MYO5B: variants seen among roughly 807,000 people sequenced by gnomAD.
The protein encoded by MYO5B is unconventional myosin-Vb.
A neutral mutation model predicts 229.3 loss-of-function variants in MYO5B; 143 were observed. The ratio of observed to expected loss-of-function variants is 0.62; its 90% CI spans 0.54 to 0.72. The LOEUF is 0.72. Among genes scored for constraint, MYO5B ranks in the 30% least tolerant of loss-of-function variants. The probability of loss-of-function intolerance (pLI) is 0.00; values close to 1 mark genes in which losing one functional copy is unlikely to be tolerated. For synonymous variants in MYO5B, 918 were observed against 885.2 expected (o/e 1.04, Z -0.66); for missense variants, 2,321 against 2,331.0 (o/e 1.00, Z 0.09).
At chr18:50,130,373 G>A (rs986265505) in intron 1 of MYO5B, among the ~76,000 whole-genome samples, 2 of 152,176 alleles carry the variant, frequency 1.3e-5, no homozygotes, top group African/African-American at 2.4e-5. Flanking sequence ...AGAATTTGAC[G>A]AATGGCAATC....
chr18:49,965,470 C>CACAT (rs981925164), intron 10 of MYO5B, among the ~76,000 whole-genome samples: 3 of 151,646 alleles, frequency 2.0e-5, no homozygotes, highest in East Asian at 3.9e-4. Flanking sequence ...CACACACACA[C>CACAT]ACACACACAC....
In MYO5B at chr18:49,841,464, G is replaced by T. The variant is rs377467818; in HGVS notation, c.4612-10C>A. ...AGTCATCATTGTGCTTCTGTGAAAA[G>T]AAAAGGACATCCTCAGCTCTAAGTG... On this transcript the variant is annotated splice_polypyrimidine_tract_variant and intron_variant, in intron 34 of 39. Coordinates refer to ENST00000285039, the MANE Select transcript of MYO5B (RefSeq NM_001080467.3). 1 of 1,612,580 alleles carries T rather than the reference G, an allele frequency of 6.2e-7. No individual in the cohort carries two copies. Among genetic ancestry groups the T allele is most frequent in the African/African-American group, 1.3e-5 (1 of 74,884 alleles).
rs2033281705 is a variant in MYO5B, at chr18:50,194,889, C to G, written c.-96G>C. 1 of 1,225,878 alleles carries G rather than the reference C, an allele frequency of 8.2e-7. No individual in the cohort carries two copies. The highest frequency in any genetic ancestry group is 3.7e-5 in the South Asian group (1 of 27,020). The allele number at this position is 1,225,878 out of a possible 1,614,324, so 75.9% of individuals were successfully genotyped here. On this transcript the variant is annotated 5_prime_UTR_variant, in exon 1 of 40. Coordinates refer to ENST00000285039, the MANE Select transcript of MYO5B (RefSeq NM_001080467.3). Reference sequence around the variant, plus strand: ...CCTGGCGCCATGTTCCCGGGCTGGCCTGGAGTTTCTCGATCTTCTCGCTCT... The same window carrying G: ...CCTGGCGCCATGTTCCCGGGCTGGCGTGGAGTTTCTCGATCTTCTCGCTCT...
Position 50,018,782 on chromosome 18 carries a change from A to G in MYO5B, c.456-17371T>C, listed in dbSNP as rs187663801. On this transcript the variant is annotated intron_variant, in intron 4 of 39. Coordinates refer to ENST00000285039, the MANE Select transcript of MYO5B (RefSeq NM_001080467.3). ...GGATGCTAGCATCACATCTTAACAC[A>G]CGGTTTTAGTGGGCAGCCATTTCAA... Among the ~76,000 whole-genome samples, 69 of 152,308 alleles carry G rather than the reference A, an allele frequency of 4.5e-4. 1 individual carries two copies. The highest frequency in any genetic ancestry group is 2.3e-3 in the Admixed American group (35 of 15,302).
At chr18:50,155,155 T>C (rs1790465) in intron 1 of MYO5B, among the ~76,000 whole-genome samples, 149,149 of 152,296 alleles carry the variant, frequency 0.98, 73,115 homozygotes, top group East Asian at 1. Context: ...CTTCCATAAA[T>C]AGTAGCTGCA....
At chr18:50,120,854 T>C (rs368235129) in intron 1 of MYO5B, among the ~76,000 whole-genome samples, 107 of 152,308 alleles carry the variant, frequency 7.0e-4, no homozygotes, top group African/African-American at 2.4e-3. Flanking sequence ...CCTGGTCAGC[T>C]GGTAGATGGT....
chr18:49,882,358 C>A (rs1317496994), intron 22 of MYO5B, among the ~76,000 whole-genome samples: 1 of 6,394 alleles, frequency 1.6e-4, no homozygotes, highest in Non-Finnish European at 2.6e-4. Context: ...AGGTACCGTG[C>A]GTGGCTCACA....
Position 49,853,536 on chromosome 18 carries a change from G to A in MYO5B, c.4134C>T (p.Thr1378=), listed in dbSNP as rs759390826. 6.2e-7 allele frequency: 1 copy of A among 1,614,212 alleles called. No homozygotes were observed. Among genetic ancestry groups the A allele is most frequent in the African/African-American group, 1.3e-5 (1 of 75,074 alleles). The change falls in exon 31 of 40, where the codon ACC becomes ACT. Residue 1378 remains threonine (T), a synonymous_variant. Transcript: ENST00000285039. ...LKEEMDKQQQ[T]FCQTLLLSPE... ...GGGAGAGCAGTAGCGTCTGGCAGAA[G>A]GTCTGCTGCTGTTTGTCCATCTCCT...
chr18:49,994,675 C>G (rs556997266), intron 5 of MYO5B, among the ~76,000 whole-genome samples: 56 of 152,286 alleles, frequency 3.7e-4, no homozygotes, highest in African/African-American at 1.3e-3. Context: ...TTCCTCCAAC[C>G]AAAGGCGATG....
At chr18:49,919,089 C>A (rs1270630682) in intron 17 of MYO5B, among the ~76,000 whole-genome samples, 1 of 152,218 alleles carries the variant, frequency 6.6e-6, no homozygotes, top group Non-Finnish European at 1.5e-5. Context: ...ACCTTGCCTT[C>A]CTCAATGGTC....
intron 14 of MYO5B, among the ~76,000 whole-genome samples, chr18:49,939,519 T>C (rs766374337): frequency 3.3e-5 from 5 of 152,178 alleles, no homozygotes; most frequent in African/African-American, 9.7e-5. Context: ...AGAAACAACA[T>C]AGAATTTTAG....
rs543261563 is a variant in MYO5B at position 50,054,304 on chromosome 18, C to T, written c.138+964G>A. Among the ~76,000 whole-genome samples, 4 of 152,318 alleles carry T rather than the reference C, an allele frequency of 2.6e-5. No individual in the cohort carries two copies. The East Asian group carries it at 7.7e-4, about 29-fold the overall frequency. The stretch of plus-strand genomic sequence containing the variant: ...ATCACTTGAACCCAGGAGTTTCAGG[C>T]CCACCTGGGCAACACAGCAAGATCT... On this transcript the variant is annotated intron_variant, in intron 2 of 39. Coordinates refer to ENST00000285039, the MANE Select transcript of MYO5B (RefSeq NM_001080467.3).
chr18:50,094,460 G>A (rs34962011), intron 1 of MYO5B, among the ~76,000 whole-genome samples: 5,168 of 151,632 alleles, frequency 0.034, 144 homozygotes, highest in Middle Eastern at 0.085. Context: ...TAAGTACTGA[G>A]TTTTTTTTTG....
At chr18:50,191,574 T>C (rs2033227245) in intron 1 of MYO5B, among the ~76,000 whole-genome samples, 1 of 152,220 alleles carries the variant, frequency 6.6e-6, no homozygotes, top group Non-Finnish European at 1.5e-5. Flanking sequence ...AAATTGAGTG[T>C]TTTCTCCTAC....
At chr18:50,176,642 CCACT>C (rs1032324155) in intron 1 of MYO5B, among the ~76,000 whole-genome samples, 10 of 152,300 alleles carry the variant, frequency 6.6e-5, no homozygotes, top group Admixed American at 2.6e-4. Flanking sequence ...CAAAGAGCCA[CCACT>C]CAGAGTTCAC....
chr18:49,850,713 G>A (rs898334027), intron 31 of MYO5B: 1 of 152,258 alleles, frequency 6.6e-6, no homozygotes, highest in Non-Finnish European at 1.5e-5. Context: ...TGAACCCTGA[G>A]TTCTACTCAG....
At chr18:49,995,854 C>T (rs73442565) in intron 5 of MYO5B, among the ~76,000 whole-genome samples, 1,920 of 152,242 alleles carry the variant, frequency 0.013, 40 homozygotes, top group African/African-American at 0.044. Context: ...AATGGAGGCC[C>T]AACTACCACA....
chr18:50,100,712 C>G (rs914010853), intron 1 of MYO5B, among the ~76,000 whole-genome samples: 1 of 152,192 alleles, frequency 6.6e-6, no homozygotes, highest in Non-Finnish European at 1.5e-5. Context: ...GTCTAGGGAT[C>G]AGCAAACCAA....
chr18:49,883,183 C>T (rs183628613), intron 22 of MYO5B, among the ~76,000 whole-genome samples: 1 of 152,130 alleles, frequency 6.6e-6, no homozygotes, highest in Non-Finnish European at 1.5e-5. Context: ...CTAGCCAGGG[C>T]AATAGGCAAG....
Sources: gnomAD v4.1 joint callset for allele counts (sites outside exome capture counted in the v4.1 genomes callset) on GRCh38, gnomAD v4.1.1 for gene constraint, MANE v1.5 for transcripts, NCBI Gene and HGNC (gene_info 2026-07-23, HGNC 2026-07-21) for gene names.